Variants in KCNQ3 observed in about 807,000 individuals in gnomAD.
KCNQ3 encodes the protein potassium voltage-gated channel subfamily Q member 3.
In KCNQ3, 30 loss-of-function variants were observed where a neutral mutation model predicts 92.5. The ratio of observed to expected loss-of-function variants is 0.32; its 90% CI spans 0.24 to 0.44. The LOEUF (loss-of-function observed/expected upper bound fraction) is 0.44, where lower values mean the gene tolerates loss of function less well. KCNQ3 is among the 20% of genes least tolerant of loss of function. The probability of loss-of-function intolerance (pLI) is 1.00; values close to 1 mark genes in which losing one functional copy is unlikely to be tolerated. For synonymous variants in KCNQ3, 450 were observed against 468.8 expected (o/e 0.96, Z 0.52); for missense variants, 913 against 1,140.3 (o/e 0.80, Z 2.87).
At chr8:132,340,881 T>C (rs1462565394) in intron 1 of KCNQ3, among the ~76,000 whole-genome samples, 3 of 152,224 alleles carry the variant, frequency 2.0e-5, no homozygotes, top group Non-Finnish European at 4.4e-5. Context: ...GAGCACGTAC[T>C]GAGAGCTAGG....
At chr8:132,424,176 G>A (rs76089003) in intron 1 of KCNQ3, among the ~76,000 whole-genome samples, 1,600 of 151,374 alleles carry the variant, frequency 0.011, 9 homozygotes, top group Non-Finnish European at 0.017. Flanking sequence ...GTGAACTAGG[G>A]ACAGAATCAG....
chr8:132,154,193 GTTT>G (rs869112851), intron 9 of KCNQ3, among the ~76,000 whole-genome samples: 321 of 27,406 alleles, frequency 0.012, 7 homozygotes, highest in South Asian at 0.013. Flanking sequence ...AAGGGTAAAA[GTTT>G]TTTTTTTTTT....
intron 1 of KCNQ3, among the ~76,000 whole-genome samples, chr8:132,419,678 C>T (rs1743507305): frequency 6.6e-6 from 1 of 152,162 alleles, no homozygotes; most frequent in African/African-American, 2.4e-5. Context: ...GATACAGGTG[C>T]TATTCTAGGT....
chr8:132,342,874 C>A (rs896904176), intron 1 of KCNQ3, among the ~76,000 whole-genome samples: 2 of 152,196 alleles, frequency 1.3e-5, no homozygotes, highest in Non-Finnish European at 2.9e-5. Flanking sequence ...AGTTCTTCAT[C>A]ATGAGATATG....
At chr8:132,459,082 G>A (rs545373968) in intron 1 of KCNQ3, among the ~76,000 whole-genome samples, 1 of 152,178 alleles carries the variant, frequency 6.6e-6, no homozygotes, top group South Asian at 2.1e-4. Flanking sequence ...GAAGAATACT[G>A]GTCAGGTATT....
intron 1 of KCNQ3, among the ~76,000 whole-genome samples, chr8:132,237,493 T>C (rs999041977): frequency 6.6e-6 from 1 of 152,188 alleles, no homozygotes; most frequent in African/African-American, 2.4e-5. Flanking sequence ...ATAGCCAAGA[T>C]TCTAACTCAG....
At chr8:132,347,696 G>A (rs534762946) in intron 1 of KCNQ3, among the ~76,000 whole-genome samples, 129 of 152,248 alleles carry the variant, frequency 8.5e-4, no homozygotes, top group African/African-American at 3.0e-3. Context: ...GAGGAAAACC[G>A]GCCGGGCGCA....
intron 1 of KCNQ3, among the ~76,000 whole-genome samples, chr8:132,379,073 T>G (rs1173121855): frequency 4.6e-5 from 7 of 152,210 alleles, no homozygotes; most frequent in Non-Finnish European, 8.8e-5. Context: ...AGAAGTCCCC[T>G]GCATTTTGGT....
At chr8:132,230,404 A>G (rs1306949651) in intron 1 of KCNQ3, among the ~76,000 whole-genome samples, 2 of 151,870 alleles carry the variant, frequency 1.3e-5, no homozygotes, top group African/African-American at 4.8e-5. Flanking sequence ...CACTGCTGAG[A>G]AAGAGACAGC....
intron 1 of KCNQ3, among the ~76,000 whole-genome samples, chr8:132,242,483 T>C (rs963762194): frequency 6.6e-6 from 1 of 152,142 alleles, no homozygotes; most frequent in African/African-American, 2.4e-5. Context: ...AGCAGCAGAG[T>C]TGCAATTTGA....
chr8:132,365,090 G>T (rs1819281596), intron 1 of KCNQ3, among the ~76,000 whole-genome samples: 1 of 152,196 alleles, frequency 6.6e-6, no homozygotes, highest in Admixed American at 6.5e-5. Context: ...CATTTTGCCT[G>T]TGCTGTTGTT....
At chr8:132,239,464 G>A (rs1014327211) in intron 1 of KCNQ3, among the ~76,000 whole-genome samples, 1 of 152,236 alleles carries the variant, frequency 6.6e-6, no homozygotes, top group Non-Finnish European at 1.5e-5. Flanking sequence ...AGGTGGTGAT[G>A]TAGAAGAAGA....
intron 1 of KCNQ3, among the ~76,000 whole-genome samples, chr8:132,353,441 T>C (rs1484729530): frequency 6.6e-6 from 1 of 152,182 alleles, no homozygotes; most frequent in African/African-American, 2.4e-5. Context: ...GTTGAACAAA[T>C]GTCTGTTCAA....
At chr8:132,436,318 A>G (rs1256209223) in intron 1 of KCNQ3, among the ~76,000 whole-genome samples, 3 of 152,234 alleles carry the variant, frequency 2.0e-5, no homozygotes, top group Non-Finnish European at 4.4e-5. Flanking sequence ...AGAAGATGCT[A>G]TAAAATTTTT....
intron 1 of KCNQ3, among the ~76,000 whole-genome samples, chr8:132,432,874 G>C (rs1262433119): frequency 1.3e-5 from 2 of 152,184 alleles, no homozygotes; most frequent in Non-Finnish European, 2.9e-5. Context: ...AGCTGAAGGA[G>C]AATTTGGTGA....
intron 1 of KCNQ3, among the ~76,000 whole-genome samples, chr8:132,477,378 T>C (rs965898356): frequency 2.7e-5 from 4 of 149,196 alleles, no homozygotes; most frequent in African/African-American, 7.4e-5. Context: ...ATCCACTAGA[T>C]TGTAGGCCTA....
At chr8:132,339,439 T>C (rs538373402) in intron 1 of KCNQ3, among the ~76,000 whole-genome samples, 2 of 152,294 alleles carry the variant, frequency 1.3e-5, no homozygotes, top group African/African-American at 4.8e-5. Context: ...TTTACCACCA[T>C]GTACCATGGT....
chr8:132,279,119 C>T (rs557483212), intron 1 of KCNQ3, among the ~76,000 whole-genome samples: 5 of 152,030 alleles, frequency 3.3e-5, no homozygotes, highest in Non-Finnish European at 7.4e-5. Flanking sequence ...TCAGGAGGCT[C>T]AGGCAGGAGA....
At chr8:132,242,558 G>A (rs1412912698) in intron 1 of KCNQ3, among the ~76,000 whole-genome samples, 1 of 152,168 alleles carries the variant, frequency 6.6e-6, no homozygotes, top group Non-Finnish European at 1.5e-5. Context: ...CTATCATTTA[G>A]TTTTACAATA....
Sources: gnomAD v4.1 joint callset for allele counts (sites outside exome capture counted in the v4.1 genomes callset) on GRCh38, gnomAD v4.1.1 for gene constraint, MANE v1.5 for transcripts, NCBI Gene and HGNC (gene_info 2026-07-23, HGNC 2026-07-21) for gene names.